TEX36: variants seen among roughly 807,000 people sequenced by gnomAD.
TEX36 encodes testis-expressed protein 36.
A neutral mutation model predicts 13.6 loss-of-function variants in TEX36; 12 were observed. That is an observed-to-expected ratio of 0.88 (90% CI 0.56 to 1.43). TEX36 has a LOEUF of 1.43. Among genes scored for constraint, TEX36 ranks in the 40% most tolerant of loss-of-function variants. TEX36 has a pLI of 0.00. For synonymous variants in TEX36, 93 were observed against 83.0 expected (o/e 1.12, Z -0.65); for missense variants, 224 against 228.3 (o/e 0.98, Z 0.12).
intron 3 of TEX36, among the ~76,000 whole-genome samples, chr10:125,636,346 C>T (rs1354016289): frequency 6.6e-6 from 1 of 151,448 alleles, no homozygotes; most frequent in Non-Finnish European, 1.5e-5. Flanking sequence ...GCTGGGACTA[C>T]AGGCGCCCGC....
chr10:125,671,150 C>T (rs1847220846), intron 1 of TEX36, among the ~76,000 whole-genome samples: 1 of 152,112 alleles, frequency 6.6e-6, no homozygotes, highest in Non-Finnish European at 1.5e-5. Context: ...TTGTCCTGTC[C>T]AGAACTTCCA....
chr10:125,592,868 A>C (rs1444565884), intron 3 of TEX36, among the ~76,000 whole-genome samples: 3 of 152,226 alleles, frequency 2.0e-5, no homozygotes, highest in African/African-American at 7.2e-5. Flanking sequence ...GATAGAGAAC[A>C]ACAGCTAGAT....
intron 3 of TEX36, among the ~76,000 whole-genome samples, chr10:125,586,635 C>CAA (rs35078105): frequency 0.048 from 5,458 of 113,666 alleles, 352 homozygotes; most frequent in Middle Eastern, 0.079. Context: ...ACTAAAAATC[C>CAA]AAAAAAAAAA....
At chr10:125,665,761 T>C (rs984537253) in intron 1 of TEX36, among the ~76,000 whole-genome samples, 3 of 152,242 alleles carry the variant, frequency 2.0e-5, no homozygotes, top group Non-Finnish European at 4.4e-5. Flanking sequence ...GGTATTTTGA[T>C]AGAGGTTGCA....
chr10:125,609,663 C>A (rs1846266703), intron 3 of TEX36, among the ~76,000 whole-genome samples: 1 of 152,220 alleles, frequency 6.6e-6, no homozygotes. Flanking sequence ...CCCCTCCCTT[C>A]ACCAGCCTGG....
chr10:125,674,274 C>A (rs1188691870), intron 1 of TEX36, among the ~76,000 whole-genome samples: 1 of 152,164 alleles, frequency 6.6e-6, no homozygotes, highest in African/African-American at 2.4e-5. Context: ...TCCATCAGAT[C>A]ATTTATGTTC....
At chr10:125,653,852 T>C (rs370032890), downstream of TEX36, among the ~76,000 whole-genome samples, 2 of 151,972 alleles carry the variant, frequency 1.3e-5, no homozygotes, top group Non-Finnish European at 2.9e-5. Flanking sequence ...TGTGGTGGCA[T>C]GCTCCTGTAG....
At chr10:125,631,593 T>C (rs1476489118) in intron 3 of TEX36, among the ~76,000 whole-genome samples, 3 of 152,098 alleles carry the variant, frequency 2.0e-5, no homozygotes, top group Non-Finnish European at 4.4e-5. Context: ...AGGGGCAGCG[T>C]TGGGATGTGT....
intron 1 of TEX36, among the ~76,000 whole-genome samples, chr10:125,676,051 G>T (rs1036423192): frequency 1.8e-4 from 28 of 152,170 alleles, no homozygotes; most frequent in African/African-American, 6.5e-4. Context: ...CTATCCTGGA[G>T]AATGTTCCAT....
At chr10:125,622,442 G>A (rs1846437946) in intron 3 of TEX36, among the ~76,000 whole-genome samples, 2 of 152,188 alleles carry the variant, frequency 1.3e-5, no homozygotes, top group Admixed American at 1.3e-4. Context: ...AACTGGTCAC[G>A]TGGTCATAGC....
chr10:125,682,753 A>G (rs72631151), intron 1 of TEX36, among the ~76,000 whole-genome samples, 186 bp downstream of exon 1: 1 of 152,228 alleles, frequency 6.6e-6, no homozygotes, highest in Non-Finnish European at 1.5e-5. Flanking sequence ...GCATTATTTC[A>G]TTCAATCTTT....
chr10:125,587,213 G>A (rs1323020873), intron 3 of TEX36, among the ~76,000 whole-genome samples: 1 of 152,138 alleles, frequency 6.6e-6, no homozygotes. Flanking sequence ...AAATTCACTG[G>A]GTGTGGTGGT....
intron 3 of TEX36, among the ~76,000 whole-genome samples, chr10:125,638,302 C>T (rs1020854002): frequency 6.6e-5 from 10 of 151,682 alleles, no homozygotes; most frequent in East Asian, 5.8e-4. Flanking sequence ...TTCTTTCCCT[C>T]GGTCTATAAG....
At chr10:125,634,938 T>C (rs1299326253) in intron 3 of TEX36, among the ~76,000 whole-genome samples, 1 of 152,156 alleles carries the variant, frequency 6.6e-6, no homozygotes, top group African/African-American at 2.4e-5. Flanking sequence ...TGGGCTGTGC[T>C]CAGGGCTGTG....
intron 3 of TEX36, among the ~76,000 whole-genome samples, chr10:125,578,015 A>G (rs754447326): frequency 6.6e-6 from 1 of 152,246 alleles, no homozygotes; most frequent in Non-Finnish European, 1.5e-5. Context: ...TCAGCATTAT[A>G]GTCATTAATC....
intron 3 of TEX36, among the ~76,000 whole-genome samples, chr10:125,607,638 T>A (rs923929947): frequency 6.6e-6 from 1 of 152,024 alleles, no homozygotes; most frequent in Non-Finnish European, 1.5e-5. Flanking sequence ...AACACATGTG[T>A]GCTCACTGGG....
chr10:125,656,442 G>C (rs1348083075), intron 3 of TEX36, among the ~76,000 whole-genome samples: 2 of 151,618 alleles, frequency 1.3e-5, no homozygotes, highest in African/African-American at 2.4e-5. Context: ...ATTTTTAGTA[G>C]AGACAGGGTT....
chr10:125,646,915 A>T (rs1037060816), intron 3 of TEX36, among the ~76,000 whole-genome samples: 1 of 152,234 alleles, frequency 6.6e-6, no homozygotes, highest in Non-Finnish European at 1.5e-5. Flanking sequence ...TTTGCAATTT[A>T]TATAAGTGGT....
At chr10:125,641,073 C>A (rs1175799200) in intron 3 of TEX36, among the ~76,000 whole-genome samples, 1 of 151,990 alleles carries the variant, frequency 6.6e-6, no homozygotes, top group African/African-American at 2.4e-5. Flanking sequence ...TGTAGACCAG[C>A]TGTGATATGT....
Sources: allele counts gnomAD v4.1 joint callset (sites outside exome capture counted in the v4.1 genomes callset), GRCh38; gene constraint gnomAD v4.1.1; transcripts MANE v1.5; gene names NCBI Gene and HGNC (gene_info 2026-07-23, HGNC 2026-07-21).